Variants in ITPR2 observed in about 807,000 individuals in gnomAD.
ITPR2 encodes inositol 1,4,5-trisphosphate receptor type 2.
In ITPR2, 207 loss-of-function variants were observed where a neutral mutation model predicts 317.1. The observed-to-expected ratio is 0.65, with a 90% confidence interval of 0.58 to 0.73. ITPR2 has a LOEUF of 0.73. ITPR2 is among the 30% of genes least tolerant of loss of function. The pLI is 0.00. For synonymous variants in ITPR2, 1,156 were observed against 1,149.1 expected, an observed-to-expected ratio of 1.01 and a Z score of -0.12; for missense variants, 2,613 against 3,284.0, an observed-to-expected ratio of 0.80 and a Z score of 4.99.
chr12:26,663,828 C>T lies in ITPR2; in HGVS notation c.1570G>A (p.Ala524Thr). The T allele has an allele frequency of 1.9e-6, 3 of 1,610,452 alleles. No individual in the cohort carries two copies. The highest frequency in any genetic ancestry group is 2.2e-5 in the South Asian group (2 of 90,234). ...ILAQVFGILKAPFKEKAGEGS... is the reference protein window; with the variant it reads ...ILAQVFGILKTPFKEKAGEGS... ...TCTCCTGCTTTCTCTTTAAAGGGTG[C>T]TTTAAGAATTCCAAATACCTATCAG... is the stretch of plus-strand genomic sequence containing the variant. Residue 524 changes from alanine (A) to threonine (T), a missense_variant, in exon 15 of 57, where the codon GCA (alanine) becomes ACA (threonine). Coordinates refer to ENST00000381340, the MANE Select transcript of ITPR2 (RefSeq NM_002223.4).
At chr12:26,362,624 G>A (rs1051679473) in intron 55 of ITPR2, among the ~76,000 whole-genome samples, 1 of 152,130 alleles carries the variant, frequency 6.6e-6, no homozygotes, top group African/African-American at 2.4e-5. Context: ...ATACAGTACT[G>A]CTGGGACTCC....
At chr12:26,349,415 T>G (rs1392408748) in intron 55 of ITPR2, among the ~76,000 whole-genome samples, 1 of 152,230 alleles carries the variant, frequency 6.6e-6, no homozygotes, top group African/African-American at 2.4e-5. Flanking sequence ...CAGTACCAAA[T>G]TTGTGTGGAT....
chr12:26,482,774 ATGTG>A (rs1206133538), intron 42 of ITPR2, among the ~76,000 whole-genome samples: 2 of 152,192 alleles, frequency 1.3e-5, no homozygotes, highest in Non-Finnish European at 2.9e-5. Context: ...TCATAAATGT[ATGTG>A]TGTGTGCATA....
chr12:26,826,055 A>T (rs980518330), intron 1 of ITPR2, among the ~76,000 whole-genome samples: 43 of 152,312 alleles, frequency 2.8e-4, no homozygotes, highest in African/African-American at 1.0e-3. Context: ...ACAAAAATAA[A>T]AGTTAACTAT....
Position 26,831,354 on chromosome 12 carries a change from G to A in ITPR2, c.92+1336C>T, listed in dbSNP as rs1261139673. ...AAGTAACAGGAACTGTGGAAGTACT[G>A]GTGACTTCCACGTCCCAGTGCTTGG... On this transcript the variant is annotated intron_variant, in intron 1 of 56. Transcript: ENST00000381340. The surrounding 1 kb of genome is among the most constrained non-coding windows in gnomAD (Gnocchi z 4.9). 6.6e-6 allele frequency among the ~76,000 whole-genome samples: 1 copy of A among 152,144 alleles called. No homozygotes were observed. Among genetic ancestry groups the A allele is most frequent in the African/African-American group, 2.4e-5 (1 of 41,410 alleles).
intron 51 of ITPR2, 111 bp downstream of exon 51, chr12:26,415,192 G>A (rs1276316443): frequency 1.4e-6 from 1 of 712,730 alleles, no homozygotes; most frequent in Admixed American, 3.0e-5. Context: ...ATTCTCAAAG[G>A]AATAAAAGAA....
Position 26,400,151 on chromosome 12 carries a change from C to T in ITPR2, c.7507G>A (p.Val2503Met), listed in dbSNP as rs1346937017. 7 of 1,611,362 alleles carry T rather than the reference C, an allele frequency of 4.3e-6. No individual in the cohort carries two copies. Among genetic ancestry groups the T allele is most frequent in the East Asian group, 2.2e-5 (1 of 44,816 alleles). The change falls in exon 53 of 57, where the codon GTG becomes ATG. Residue 2503 changes from valine to methionine, a missense_variant. Coordinates refer to ENST00000381340, the MANE Select transcript of ITPR2 (RefSeq NM_002223.4). ...GLRNGGGVGDVLRRPSKDEPL... is the reference protein window; with the variant it reads ...GLRNGGGVGDMLRRPSKDEPL... ...ACATCTTTCGATGGCCTTCTTAGCA[C>T]ATCCCCCACACCACCGCCATTCCTG...
chr12:26,487,318 C>A, intron 39 of ITPR2, 67 bp from the exon 40 acceptor site: 12 of 1,170,818 alleles, frequency 1.0e-5, no homozygotes, highest in Non-Finnish European at 1.4e-5. Context: ...TATGCTTGAA[C>A]TAAACATAAG....
intron 47 of ITPR2, among the ~76,000 whole-genome samples, chr12:26,438,841 T>C (rs1941421639): frequency 6.6e-6 from 1 of 152,192 alleles, no homozygotes; most frequent in African/African-American, 2.4e-5. Flanking sequence ...TGTTCAACAT[T>C]TGAAATGTAC....
intron 23 of ITPR2, among the ~76,000 whole-genome samples, chr12:26,626,267 G>T (rs1009867181): frequency 2.6e-5 from 4 of 152,026 alleles, no homozygotes; most frequent in Admixed American, 1.3e-4. Context: ...ACCTGGCCAA[G>T]GTAACATGTT....
At chr12:26,341,186 A>T (rs572495230) in intron 55 of ITPR2, among the ~76,000 whole-genome samples, 7 of 152,318 alleles carry the variant, frequency 4.6e-5, no homozygotes, top group African/African-American at 1.7e-4. Context: ...TCTAAGTTTC[A>T]TTACTCTTGT....
At chr12:26,469,440 C>A (rs776152396) in intron 45 of ITPR2, among the ~76,000 whole-genome samples, 2 of 152,174 alleles carry the variant, frequency 1.3e-5, no homozygotes, top group Non-Finnish European at 2.9e-5. Context: ...CCCCCCACCC[C>A]CATGGTATCC....
At chr12:26,460,909 T>C (rs947241739) in intron 45 of ITPR2, among the ~76,000 whole-genome samples, 1 of 152,176 alleles carries the variant, frequency 6.6e-6, no homozygotes, top group African/African-American at 2.4e-5. Context: ...CAATGACTTC[T>C]GCCTCCATTT....
intron 31 of ITPR2, 59 bp from the exon 32 acceptor site, chr12:26,595,649 TCA>T: frequency 7.5e-7 from 1 of 1,339,164 alleles, no homozygotes; most frequent in Non-Finnish European, 1.0e-6. Flanking sequence ...CTTTCAAATA[TCA>T]ATTATGAAAG....
chr12:26,754,916 C>T (rs1298185528), intron 2 of ITPR2, among the ~76,000 whole-genome samples: 1 of 152,134 alleles, frequency 6.6e-6, no homozygotes, highest in Non-Finnish European at 1.5e-5. Context: ...ATACATTTGT[C>T]TGTAAGGTTT....
intron 32 of ITPR2, among the ~76,000 whole-genome samples, chr12:26,589,592 G>A (rs1945631407): frequency 6.6e-6 from 1 of 150,962 alleles, no homozygotes; most frequent in African/African-American, 2.4e-5. Context: ...TTCGAGACCA[G>A]GGTGGCCAAC....
chr12:26,590,476 A>G (rs920644957), intron 32 of ITPR2, among the ~76,000 whole-genome samples: 1 of 152,188 alleles, frequency 6.6e-6, no homozygotes, highest in African/African-American at 2.4e-5. Context: ...CACACCTACA[A>G]TGAACTCATT....
intron 1 of ITPR2, among the ~76,000 whole-genome samples, chr12:26,803,352 GT>G (rs1476750722): frequency 8.7e-6 from 1 of 115,178 alleles, no homozygotes; most frequent in Non-Finnish European, 2.1e-5. Flanking sequence ...CTGGCATATA[GT>G]AAGTGCAAAA....
At chr12:26,526,936 G>A (rs1943823543) in intron 37 of ITPR2, among the ~76,000 whole-genome samples, 1 of 152,178 alleles carries the variant, frequency 6.6e-6, no homozygotes, top group African/African-American at 2.4e-5. Flanking sequence ...CAGATGGAGT[G>A]GACAAGGGAA....
Sources: gnomAD v4.1 joint callset for allele counts (sites outside exome capture counted in the v4.1 genomes callset) on GRCh38, gnomAD v4.1.1 for gene constraint, Gnocchi (gnomAD v3.1) non-coding constraint, MANE v1.5 for transcripts, NCBI Gene and HGNC (gene_info 2026-07-23, HGNC 2026-07-21) for gene names.